Variants in MAN2A1 observed in about 807,000 individuals in gnomAD.
MAN2A1 encodes mannosidase alpha class 2A member 1.
A neutral mutation model predicts 142.6 loss-of-function variants in MAN2A1; 76 were observed. The observed-to-expected ratio is 0.53, with a 90% CI of 0.44 to 0.65. The LOEUF is 0.65. Among genes scored for constraint, MAN2A1 ranks in the 30% least tolerant of loss-of-function variants. The probability of loss-of-function intolerance (pLI) is 0.00; values close to 1 mark genes in which losing one functional copy is unlikely to be tolerated. For synonymous variants in MAN2A1, 559 were observed against 473.2 expected, an observed-to-expected ratio of 1.18 and a Z score of -2.35; for missense variants, 1,311 against 1,365.1, an observed-to-expected ratio of 0.96 and a Z score of 0.62.
chr5:109,835,749 TTA>T (rs2112748612), intron 16 of MAN2A1, among the ~76,000 whole-genome samples: 1 of 152,288 alleles, frequency 6.6e-6, no homozygotes, highest in East Asian at 1.9e-4. Flanking sequence ...GGTGTATGGT[TTA>T]TGAGTATATT....
At chr5:109,733,169 G>A (rs374908011) in intron 4 of MAN2A1, among the ~76,000 whole-genome samples, 2 of 152,198 alleles carry the variant, frequency 1.3e-5, no homozygotes, top group African/African-American at 4.8e-5. Context: ...CTGTTTGTCT[G>A]TTATTGGTGT....
At chr5:109,846,101 A>T in intron 18 of MAN2A1, 95 bp downstream of exon 18, 1 of 1,095,778 alleles carries the variant, frequency 9.1e-7, no homozygotes, top group Non-Finnish European at 1.2e-6. Flanking sequence ...CTCTAGTTAA[A>T]ACCTCCCTGT....
intron 12 of MAN2A1, among the ~76,000 whole-genome samples, chr5:109,813,458 A>T (rs1580278477): frequency 6.6e-6 from 1 of 152,366 alleles, no homozygotes; most frequent in African/African-American, 2.4e-5. Context: ...TGTCTTGGCA[A>T]CATTCCTGCT....
At chr5:109,820,180 T>C (rs1213943884) in intron 14 of MAN2A1, 40 bp from the exon 15 acceptor site, 2 of 1,535,866 alleles carry the variant, frequency 1.3e-6, no homozygotes, top group African/African-American at 2.8e-5. Flanking sequence ...CTTAACATCT[T>C]AGTGGTGAGT....
At chr5:109,809,029 G>C (rs1754249704) in intron 12 of MAN2A1, among the ~76,000 whole-genome samples, 1 of 151,904 alleles carries the variant, frequency 6.6e-6, no homozygotes, top group African/African-American at 2.4e-5. Context: ...CTAAAAGTAG[G>C]AATCATTGGA....
intron 3 of MAN2A1, among the ~76,000 whole-genome samples, chr5:109,725,127 C>T (rs1239502250): frequency 6.6e-6 from 1 of 151,870 alleles, no homozygotes; most frequent in Non-Finnish European, 1.5e-5. Context: ...ACACAGAGGC[C>T]CACATACCCT....
At chr5:109,711,864 C>T (rs1751310951) in intron 1 of MAN2A1, among the ~76,000 whole-genome samples, 1 of 151,810 alleles carries the variant, frequency 6.6e-6, no homozygotes, top group Admixed American at 6.6e-5. Flanking sequence ...CCCACCCCAT[C>T]TTAGAGATGA....
At position 109,837,712 on chromosome 5, in the gene MAN2A1, A is replaced by G. The variant is rs545270660; in HGVS notation, c.2567-4616A>G. On this transcript the variant is annotated intron_variant, in intron 16 of 21. Coordinates refer to ENST00000261483, the MANE Select transcript of MAN2A1 (RefSeq NM_002372.4). ...ATACGTTTACCACCCTTCACTCAGTATACGTTTATTGTACATGTCTACGTG... is the reference window on the plus strand; with the variant it reads ...ATACGTTTACCACCCTTCACTCAGTGTACGTTTATTGTACATGTCTACGTG... 4.6e-5 allele frequency among the ~76,000 whole-genome samples: 7 copies of G among 152,294 alleles called. No individual in the cohort carries two copies. The East Asian group carries it at 7.7e-4, about 17-fold the overall frequency.
chr5:109,784,039 G>A (rs566794621), intron 9 of MAN2A1, among the ~76,000 whole-genome samples: 185 of 152,052 alleles, frequency 1.2e-3, no homozygotes, highest in African/African-American at 4.0e-3. Context: ...CTAAGATAGA[G>A]TCTCTCTATG....
intron 9 of MAN2A1, 119 bp from the exon 10 acceptor site, chr5:109,784,625 A>G: frequency 1.5e-6 from 1 of 688,648 alleles, no homozygotes; most frequent in South Asian, 2.3e-5. Flanking sequence ...TATCTTTTTC[A>G]TAAATTGCTT....
intron 12 of MAN2A1, among the ~76,000 whole-genome samples, chr5:109,810,578 G>GA (rs1257678145): frequency 6.6e-6 from 1 of 152,136 alleles, no homozygotes; most frequent in Non-Finnish European, 1.5e-5. Flanking sequence ...CTGTGTACCT[G>GA]AAGCCTCCCA....
intron 8 of MAN2A1, among the ~76,000 whole-genome samples, chr5:109,777,660 T>C (rs1057191300): frequency 2.6e-5 from 4 of 152,116 alleles, no homozygotes; most frequent in Admixed American, 6.5e-5. Context: ...TACATTCTTA[T>C]GAAGCTATCC....
At chr5:109,721,439 T>C (rs1054484837) in intron 3 of MAN2A1, among the ~76,000 whole-genome samples, 3 of 151,948 alleles carry the variant, frequency 2.0e-5, no homozygotes, top group East Asian at 1.9e-4. Context: ...ATGAATAGTT[T>C]GTGTGTGTGT....
intron 4 of MAN2A1, among the ~76,000 whole-genome samples, chr5:109,753,233 T>C (rs1385202963): frequency 6.6e-6 from 1 of 152,206 alleles, no homozygotes; most frequent in Non-Finnish European, 1.5e-5. Flanking sequence ...GCATAACGCA[T>C]AAGGGGCAGG....
chr5:109,759,960 T>TAGAG (rs1377567482), intron 5 of MAN2A1, among the ~76,000 whole-genome samples: 1 of 35,962 alleles, frequency 2.8e-5, no homozygotes, highest in African/African-American at 2.0e-4. Context: ...TATATATATA[T>TAGAG]ATATAGATAG....
chr5:109,803,236 A>G (rs566795114), intron 12 of MAN2A1, among the ~76,000 whole-genome samples: 14 of 152,216 alleles, frequency 9.2e-5, no homozygotes, highest in South Asian at 2.1e-4. Flanking sequence ...GATTGCATTT[A>G]AAGTTATATT....
chr5:109,710,507 G>GTT (rs199878420), intron 1 of MAN2A1, among the ~76,000 whole-genome samples: 8 of 150,268 alleles, frequency 5.3e-5, no homozygotes, highest in South Asian at 2.1e-4. Flanking sequence ...ATAAAATGTG[G>GTT]TATTTTTTTT....
At chr5:109,727,612 A>G (rs926595184) in intron 3 of MAN2A1, among the ~76,000 whole-genome samples, 1 of 152,172 alleles carries the variant, frequency 6.6e-6, no homozygotes, top group Non-Finnish European at 1.5e-5. Flanking sequence ...AAGTGTTTTA[A>G]TTGTATACTT....
chr5:109,823,542 A>G (rs1193088272), intron 15 of MAN2A1, among the ~76,000 whole-genome samples, 181 bp from the exon 16 acceptor site: 1 of 152,236 alleles, frequency 6.6e-6, no homozygotes, highest in Non-Finnish European at 1.5e-5. Context: ...ATTTTTAAAA[A>G]TAAAAAACAC....
Sources: allele counts gnomAD v4.1 joint callset (sites outside exome capture counted in the v4.1 genomes callset), GRCh38; gene constraint gnomAD v4.1.1; transcripts MANE v1.5; gene names NCBI Gene and HGNC (gene_info 2026-07-23, HGNC 2026-07-21).